Variants in DLGAP1 observed in about 807,000 individuals in gnomAD.
DLGAP1 encodes DLG associated protein 1.
A neutral mutation model predicts 90.8 loss-of-function variants in DLGAP1; 11 were observed. The ratio of observed to expected loss-of-function variants is 0.12; its 90% CI spans 0.08 to 0.20. The LOEUF is 0.20. Ranked by LOEUF, DLGAP1 falls within the 10% of genes least tolerant of loss-of-function variation. DLGAP1 has a pLI of 1.00. For missense variants in DLGAP1, 1,050 were observed against 1,333.8 expected, an observed-to-expected ratio of 0.79 and a Z score of 3.31; for synonymous variants, 558 against 540.7, an observed-to-expected ratio of 1.03 and a Z score of -0.44.
intron 1 of DLGAP1, among the ~76,000 whole-genome samples, chr18:4,306,456 TGTGTGTGAGA>T (rs751235803): frequency 2.2e-4 from 16 of 72,934 alleles, no homozygotes; most frequent in Admixed American, 9.4e-4. Context: ...TGTGTGTGTG[TGTGTGTGAGA>T]GAGAGAGAGA....
chr18:3,556,947 T>G (rs1184700888), intron 9 of DLGAP1, among the ~76,000 whole-genome samples: 1 of 152,250 alleles, frequency 6.6e-6, no homozygotes, highest in Non-Finnish European at 1.5e-5. Flanking sequence ...TTAGTTAGCC[T>G]AGTTAAAGGC....
At chr18:3,609,062 C>G (rs547192777) in intron 7 of DLGAP1, among the ~76,000 whole-genome samples, 79 of 152,230 alleles carry the variant, frequency 5.2e-4, no homozygotes, top group Middle Eastern at 3.4e-3. Context: ...TCTCAAACTC[C>G]TGAACTCAAG....
At chr18:3,559,025 T>C (rs754456689) in intron 9 of DLGAP1, among the ~76,000 whole-genome samples, 1 of 152,230 alleles carries the variant, frequency 6.6e-6, no homozygotes, top group Non-Finnish European at 1.5e-5. Context: ...ATTTATAGCA[T>C]TCTGGTCTTA....
At chr18:3,609,578 C>T (rs2057498263) in intron 7 of DLGAP1, among the ~76,000 whole-genome samples, 1 of 152,094 alleles carries the variant, frequency 6.6e-6, no homozygotes, top group Admixed American at 6.5e-5. Flanking sequence ...TCATCTTTTC[C>T]TGAGTTTCCT....
At chr18:4,321,566 A>T (rs958301132) in intron 1 of DLGAP1, among the ~76,000 whole-genome samples, 7 of 152,232 alleles carry the variant, frequency 4.6e-5, no homozygotes, top group African/African-American at 1.7e-4. Flanking sequence ...CTATACAGAC[A>T]GCAATGATTT....
chr18:3,570,193 C>A (rs2054685148), intron 8 of DLGAP1, among the ~76,000 whole-genome samples: 1 of 151,950 alleles, frequency 6.6e-6, no homozygotes, highest in East Asian at 2.0e-4. Flanking sequence ...CCAGGTGTAT[C>A]CCTGTCATTA....
chr18:3,792,611 G>C (rs1252406721), intron 5 of DLGAP1, among the ~76,000 whole-genome samples: 1 of 152,112 alleles, frequency 6.6e-6, no homozygotes, highest in Non-Finnish European at 1.5e-5. Flanking sequence ...TCCATTTGCT[G>C]TCTTGGCCTC....
intron 2 of DLGAP1, among the ~76,000 whole-genome samples, chr18:4,014,909 G>A (rs1016447868): frequency 6.6e-6 from 1 of 152,152 alleles, no homozygotes; most frequent in Non-Finnish European, 1.5e-5. Flanking sequence ...GAGGCTCTAA[G>A]TTCTAAAGAG....
In DLGAP1 at chr18:4,177,076, T is replaced by C. The variant is rs145359145; in HGVS notation, c.-266-25789A>G. ...CTTTCTGAACTTGTCACTGAAGGCA[T>C]AGAGGTGGGTCGAGCTCCTCTTTAA... On this transcript the variant is annotated intron_variant, in intron 1 of 12. Transcript: ENST00000315677. Among the ~76,000 whole-genome samples, 428 of 152,252 alleles carry C rather than the reference T, an allele frequency of 2.8e-3. 2 individuals carry two copies. Among genetic ancestry groups the C allele is most frequent in the African/African-American group, 9.7e-3 (402 of 41,556 alleles).
chr18:4,309,296 T>A (rs375218901), intron 1 of DLGAP1, among the ~76,000 whole-genome samples: 1 of 152,174 alleles, frequency 6.6e-6, no homozygotes, highest in Non-Finnish European at 1.5e-5. Context: ...AGAGCGCACA[T>A]AGCAATAGCA....
chr18:3,520,680 C>A (rs138728578), intron 10 of DLGAP1, among the ~76,000 whole-genome samples: 1 of 152,322 alleles, frequency 6.6e-6, no homozygotes, highest in African/African-American at 2.4e-5. Context: ...TGATCTCGAA[C>A]TTCCAGCCTC....
chr18:3,908,799 A>AAAATGTGT (rs1334729058), intron 3 of DLGAP1, among the ~76,000 whole-genome samples: 1 of 152,226 alleles, frequency 6.6e-6, no homozygotes, highest in Non-Finnish European at 1.5e-5. Context: ...TAAACCTACA[A>AAAATGTGT]AAATGTGTTT....
intron 5 of DLGAP1, among the ~76,000 whole-genome samples, chr18:3,757,827 T>C (rs1478550553): frequency 6.6e-6 from 1 of 152,102 alleles, no homozygotes; most frequent in African/African-American, 2.4e-5. Context: ...TCTATAAGAC[T>C]GAGAGAGGGT....
chr18:3,589,487 A>G (rs1164389165), intron 7 of DLGAP1, among the ~76,000 whole-genome samples: 1 of 152,180 alleles, frequency 6.6e-6, no homozygotes, highest in Non-Finnish European at 1.5e-5. Context: ...GCATTTTAGA[A>G]ATTCTTTAAA....
At chr18:3,882,045 A>G (rs529243764) in intron 3 of DLGAP1, among the ~76,000 whole-genome samples, 52 of 152,304 alleles carry the variant, frequency 3.4e-4, no homozygotes, top group African/African-American at 1.2e-3. Flanking sequence ...CACACAAACA[A>G]TCCCCCCAGG....
chr18:4,384,482 T>C (rs1056658178), intron 1 of DLGAP1, among the ~76,000 whole-genome samples: 1 of 152,162 alleles, frequency 6.6e-6, no homozygotes, highest in African/African-American at 2.4e-5. Flanking sequence ...ATACACCATA[T>C]CTTGTTCATC....
rs540093578 is a variant in DLGAP1, at chr18:3,700,092, C to T, written c.1591+29043G>A. ...GGGTGGGATCCGCTGAGCTAGACCA[C>T]TTGGCTCCCTGGCTTCAGCCCCCTT... On this transcript the variant is annotated intron_variant, in intron 7 of 12. Coordinates refer to ENST00000315677, the MANE Select transcript of DLGAP1 (RefSeq NM_004746.4). Among the ~76,000 whole-genome samples the T allele has an allele frequency of 1.3e-3, 205 of 152,312 alleles. 1 individual carries two copies. The highest frequency in any genetic ancestry group is 4.8e-3 in the African/African-American group (199 of 41,576).
chr18:3,706,023 G>A (rs1030362953), intron 7 of DLGAP1, among the ~76,000 whole-genome samples: 20 of 139,020 alleles, frequency 1.4e-4, no homozygotes, highest in African/African-American at 5.5e-5. Flanking sequence ...TCACTCTGTC[G>A]CCCAGGCTGG....
At chr18:3,816,729 A>C (rs1380597925) in intron 4 of DLGAP1, among the ~76,000 whole-genome samples, 2 of 152,266 alleles carry the variant, frequency 1.3e-5, no homozygotes, top group East Asian at 3.9e-4. Flanking sequence ...TATGTAGCTC[A>C]CTCAGAGTTA....
Sources: allele counts gnomAD v4.1 joint callset (sites outside exome capture counted in the v4.1 genomes callset), GRCh38; gene constraint gnomAD v4.1.1; transcripts MANE v1.5; gene names NCBI Gene and HGNC (gene_info 2026-07-23, HGNC 2026-07-21).